RABGAP1L: variants seen among roughly 807,000 people sequenced by gnomAD.
RABGAP1L encodes RAB GTPase activating protein 1 like.
RABGAP1L carries 63 observed loss-of-function variants against 137.7 expected under a neutral mutation model. The ratio of observed to expected loss-of-function variants is 0.46; its 90% confidence interval spans 0.37 to 0.56. The LOEUF (loss-of-function observed/expected upper bound fraction) is 0.56. Ranked by LOEUF, RABGAP1L falls within the 20% of genes least tolerant of loss-of-function variation. The pLI is 0.00. For missense variants in RABGAP1L, 1,095 were observed against 1,244.0 expected (o/e 0.88, Z 1.80); for synonymous variants, 431 against 433.7 (o/e 0.99, Z 0.08).
chr1:174,202,923 G>T (rs954871060), intron 1 of RABGAP1L, among the ~76,000 whole-genome samples: 3 of 151,980 alleles, frequency 2.0e-5, no homozygotes, highest in Admixed American at 6.6e-5. Context: ...TTTCCCCATT[G>T]CTTCTTTTTG....
rs74128379 is a variant in RABGAP1L at position 174,389,262 on chromosome 1, T to C, written c.1560-4733T>C. ...GACCTTTCTTGATGCCACCTCATCT[T>C]TTAATTTCAGTTATAGTCTTTTCCT... On this transcript the variant is annotated intron_variant, in intron 12 of 25. Transcript: ENST00000681986. 5.8e-3 allele frequency among the ~76,000 whole-genome samples: 878 copies of C among 152,182 alleles called. 8 individuals carry two copies. Among genetic ancestry groups the C allele is most frequent in the African/African-American group, 0.02 (838 of 41,552 alleles).
At chr1:174,226,799 A>C (rs868605889) in intron 3 of RABGAP1L, among the ~76,000 whole-genome samples, 5 of 151,210 alleles carry the variant, frequency 3.3e-5, no homozygotes, top group Middle Eastern at 3.4e-3. Context: ...ATTTTCATCT[A>C]TTTTTATCTT....
At chr1:174,453,203 AG>A (rs1220875808) in intron 13 of RABGAP1L, among the ~76,000 whole-genome samples, 2 of 152,188 alleles carry the variant, frequency 1.3e-5, no homozygotes, top group African/African-American at 4.8e-5. Context: ...TATTCTCGTT[AG>A]GGAAGTAATA....
intron 13 of RABGAP1L, among the ~76,000 whole-genome samples, chr1:174,624,636 T>C (rs1646819220): frequency 6.6e-6 from 1 of 152,030 alleles, no homozygotes; most frequent in Non-Finnish European, 1.5e-5. Flanking sequence ...TCCAGAAAAA[T>C]ATTGGAATCA....
intron 5 of RABGAP1L, among the ~76,000 whole-genome samples, chr1:174,249,387 G>A (rs1386156615): frequency 6.6e-6 from 1 of 152,072 alleles, no homozygotes; most frequent in East Asian, 1.9e-4. Flanking sequence ...TGGAGACTTG[G>A]CCAAAACCTT....
At chr1:174,648,683 TG>T (rs1675193891) in intron 14 of RABGAP1L, among the ~76,000 whole-genome samples, 2 of 152,140 alleles carry the variant, frequency 1.3e-5, no homozygotes, top group Admixed American at 1.3e-4. Flanking sequence ...TCTGTTGATT[TG>T]GGGTGGAGAA....
At chr1:174,209,618 C>G (rs1247734771) in intron 1 of RABGAP1L, among the ~76,000 whole-genome samples, 1 of 152,206 alleles carries the variant, frequency 6.6e-6, no homozygotes, top group Non-Finnish European at 1.5e-5. Context: ...TTTTAAACTC[C>G]AGTCCCTGGC....
In RABGAP1L at chr1:174,626,718, T is replaced by C. The variant is rs187503787; in HGVS notation, c.1711-10657T>C. Among the ~76,000 whole-genome samples the C allele has an allele frequency of 2.0e-3, 301 of 152,356 alleles. 1 individual carries two copies. The highest frequency in any genetic ancestry group is 6.9e-3 in the African/African-American group (286 of 41,588). ...CAATGATCCAGCCCTTTTGTATTAT[T>C]GTCTCTAGTTCATGATTTTAGTAGC... On this transcript the variant is annotated intron_variant, in intron 13 of 25. Coordinates refer to ENST00000681986, the MANE Select transcript of RABGAP1L (RefSeq NM_001366446.1).
intron 19 of RABGAP1L, among the ~76,000 whole-genome samples, chr1:174,878,309 C>T (rs942673664): frequency 3.9e-5 from 6 of 152,132 alleles, no homozygotes; most frequent in African/African-American, 1.4e-4. Context: ...TCACCGCAGC[C>T]GTTGCCTCCT....
chr1:174,617,703 C>A (rs942075038), intron 13 of RABGAP1L, among the ~76,000 whole-genome samples: 1 of 152,110 alleles, frequency 6.6e-6, no homozygotes, highest in Non-Finnish European at 1.5e-5. Flanking sequence ...ACCTGTTGAT[C>A]CTGAAGGATT....
chr1:174,288,343 C>A (rs1443418719), intron 10 of RABGAP1L, among the ~76,000 whole-genome samples: 1 of 152,086 alleles, frequency 6.6e-6, no homozygotes, highest in East Asian at 1.9e-4. Flanking sequence ...TAATTAGTAT[C>A]CTTTCATTTC....
Position 174,702,146 on chromosome 1 carries a change from G to A in RABGAP1L, c.2059G>A (p.Asp687Asn). Residue 687 changes from aspartate (D) to asparagine (N), a missense_variant, in exon 17 of 26, where the codon GAT becomes AAT. Coordinates refer to ENST00000681986, the MANE Select transcript of RABGAP1L (RefSeq NM_001366446.1). Reference protein sequence around the residue: ...QLPDLHSHFSDLNLEAHMYAS... With the variant: ...QLPDLHSHFSNLNLEAHMYAS... The stretch of plus-strand genomic sequence containing the variant: ...ACCGGACCTGCATAGCCATTTTTCT[G>A]ATCTGAACCTGGAAGCTCATATGTA... 6.2e-7 allele frequency: 1 copy of A among 1,611,266 alleles called. No individual in the cohort carries two copies. The highest frequency in any genetic ancestry group is 8.5e-7 in the Non-Finnish European group (1 of 1,179,042).
chr1:174,570,252 A>G (rs1425261564), intron 13 of RABGAP1L, among the ~76,000 whole-genome samples: 1 of 152,194 alleles, frequency 6.6e-6, no homozygotes, highest in Non-Finnish European at 1.5e-5. Context: ...TGTCATCATC[A>G]CTATGCATAG....
rs1047481863 is a variant in RABGAP1L at position 174,205,288 on chromosome 1, G to A, written c.-33-13837G>A. On this transcript the variant is annotated intron_variant, in intron 1 of 25. Transcript: ENST00000681986. ...TTTTATTGTTGTGTTTATCAGGATG[G>A]TGCTGGCCTCATAGAATGAGTTGGG... Among the ~76,000 whole-genome samples the A allele has an allele frequency of 2.0e-5, 3 of 151,596 alleles. No individual in the cohort carries two copies. The South Asian group carries it at 6.2e-4, about 31-fold the overall frequency.
intron 13 of RABGAP1L, among the ~76,000 whole-genome samples, chr1:174,492,316 G>T (rs1264390867): frequency 6.7e-6 from 1 of 149,598 alleles, no homozygotes; most frequent in Non-Finnish European, 1.5e-5. Flanking sequence ...GAGTAGCTGG[G>T]ATTACAGGTG....
intron 20 of RABGAP1L, among the ~76,000 whole-genome samples, chr1:174,969,072 T>C (rs1669911479): frequency 6.6e-6 from 1 of 152,210 alleles, no homozygotes; most frequent in South Asian, 2.1e-4. Flanking sequence ...AGGGACCAGT[T>C]TCACCGGGTA....
At chr1:174,666,236 A>G (rs1264479865) in intron 14 of RABGAP1L, among the ~76,000 whole-genome samples, 1 of 152,202 alleles carries the variant, frequency 6.6e-6, no homozygotes, top group Non-Finnish European at 1.5e-5. Flanking sequence ...TCCAAAGGCT[A>G]ATTTATGTGT....
chr1:174,368,805 T>G (rs1276655742), intron 11 of RABGAP1L, among the ~76,000 whole-genome samples: 1 of 152,094 alleles, frequency 6.6e-6, no homozygotes, highest in African/African-American at 2.4e-5. Flanking sequence ...AATGGTAACT[T>G]GATTTTGTTC....
At chr1:174,658,813 C>A (rs1433089844) in intron 14 of RABGAP1L, among the ~76,000 whole-genome samples, 2 of 152,168 alleles carry the variant, frequency 1.3e-5, no homozygotes, top group South Asian at 4.1e-4. Flanking sequence ...AATTTTATTA[C>A]CCTTTCCGTT....
Sources: allele counts gnomAD v4.1 joint callset (sites outside exome capture counted in the v4.1 genomes callset), GRCh38; gene constraint gnomAD v4.1.1; transcripts MANE v1.5; gene names NCBI Gene and HGNC (gene_info 2026-07-23, HGNC 2026-07-21).